The following PTK2 variants were observed in gnomAD, a reference collection of about 807,000 sequenced individuals.
PTK2 encodes the protein protein tyrosine kinase 2.
Under a neutral mutation model 150.1 loss-of-function variants are expected in PTK2, and 45 were observed. That is an observed-to-expected ratio of 0.30 (90% confidence interval 0.24 to 0.38). The LOEUF (loss-of-function observed/expected upper bound fraction) is 0.38. PTK2 is among the 10% of genes least tolerant of loss of function. PTK2 has a pLI of 1.00. For synonymous variants in PTK2, 432 were observed against 449.2 expected (o/e 0.96, Z 0.48); for missense variants, 919 against 1,307.3 (o/e 0.70, Z 4.58).
In PTK2 at chr8:140,746,888, CTTTCTTTTTTTTT is replaced by C. The variant is rs543594381; in HGVS notation, c.1418-41_1418-29del. On this transcript the variant is annotated intron_variant, in intron 17 of 31. Transcript: ENST00000522684. ...AGGAAAAAAGTTCTCCATAGTTATT[CTTTCTTTTTTTTT>C]TTTTTTTTTAGACGGAGTCTCATTC... is the stretch of plus-strand genomic sequence containing the variant. The C allele has an allele frequency of 4.9e-4, 552 of 1,135,804 alleles. 1 individual carries two copies. The highest frequency in any genetic ancestry group is 6.4e-4 in the Non-Finnish European group (514 of 806,770). 70.4% of individuals were successfully genotyped at this position (1,135,804 alleles called of 1,614,324 possible).
intron 26 of PTK2, among the ~76,000 whole-genome samples, chr8:140,698,762 G>A (rs1335853059): frequency 6.6e-6 from 1 of 152,108 alleles, no homozygotes. Context: ...TTACAGGCAT[G>A]CATCACCACA....
intron 3 of PTK2, among the ~76,000 whole-genome samples, chr8:140,880,414 T>C (rs13258028): frequency 3.3e-5 from 5 of 151,936 alleles, no homozygotes; most frequent in African/African-American, 1.2e-4. Context: ...ATGAGGGCCA[T>C]GAGAGAATAT....
At chr8:140,812,947 C>A (rs1042131844) in intron 10 of PTK2, among the ~76,000 whole-genome samples, 1 of 152,146 alleles carries the variant, frequency 6.6e-6, no homozygotes, top group Non-Finnish European at 1.5e-5. Context: ...GACTTTAACA[C>A]CCCACTGACA....
intron 23 of PTK2, among the ~76,000 whole-genome samples, chr8:140,708,043 G>T (rs1591467899): frequency 6.6e-6 from 1 of 152,254 alleles, no homozygotes; most frequent in Middle Eastern, 3.4e-3. Flanking sequence ...CATAGTGAAA[G>T]AACAATTTAG....
chr8:140,754,180 G>A (rs2100064350), intron 16 of PTK2, among the ~76,000 whole-genome samples: 2 of 152,210 alleles, frequency 1.3e-5, no homozygotes, highest in Non-Finnish European at 2.9e-5. Flanking sequence ...CCATGTGCCA[G>A]ATGCCTCAAG....
At chr8:140,899,357 A>G (rs1404664158) in intron 2 of PTK2, among the ~76,000 whole-genome samples, 2 of 152,242 alleles carry the variant, frequency 1.3e-5, no homozygotes, top group African/African-American at 4.8e-5. Context: ...CTACAGAAAT[A>G]CAAAGACTCT....
chr8:140,717,634 G>A (rs1360759825), exon 23 of PTK2: 2 of 1,613,930 alleles, frequency 1.2e-6, no homozygotes, highest in Admixed American at 3.3e-5. Flanking sequence ...CGGAGTCCCA[G>A]GACACTGTGG....
chr8:140,982,283 T>C (rs1308084960), intron 1 of PTK2, among the ~76,000 whole-genome samples: 1 of 152,202 alleles, frequency 6.6e-6, no homozygotes, highest in Admixed American at 6.5e-5. Context: ...ATCATTAAGA[T>C]AGATACACAC....
exon 32 of PTK2, chr8:140,658,890 G>A (rs1331804147): frequency 4.4e-6 from 1 of 226,924 alleles, no homozygotes; most frequent in Admixed American, 5.7e-5. Flanking sequence ...AAGACAAAAA[G>A]GGCTGTAGTT....
chr8:140,986,485 A>G (rs1318663517), intron 1 of PTK2, among the ~76,000 whole-genome samples: 2 of 152,234 alleles, frequency 1.3e-5, no homozygotes, highest in Non-Finnish European at 2.9e-5. Context: ...TGAAACCAGG[A>G]AGTCAAAGAG....
intron 14 of PTK2, among the ~76,000 whole-genome samples, chr8:140,767,593 C>T (rs1341794089): frequency 6.6e-6 from 1 of 152,084 alleles, no homozygotes; most frequent in East Asian, 1.9e-4. Context: ...TCAAGTGATC[C>T]TCCCAACTCA....
chr8:140,968,271 G>C (rs886452112), intron 1 of PTK2, among the ~76,000 whole-genome samples: 4 of 152,070 alleles, frequency 2.6e-5, no homozygotes, highest in African/African-American at 9.7e-5. Context: ...CTGTTTTCCA[G>C]TTTTTAGATC....
chr8:140,660,637 G>T (rs758498055), intron 31 of PTK2: 1 of 455,326 alleles, frequency 2.2e-6, no homozygotes, highest in South Asian at 1.6e-5. Flanking sequence ...GACGTGGGAG[G>T]ACGGCTTGAG....
intron 2 of PTK2, among the ~76,000 whole-genome samples, chr8:140,922,779 A>G (rs1317495480): frequency 1.3e-5 from 2 of 152,228 alleles, no homozygotes; most frequent in Admixed American, 6.5e-5. Context: ...AGACAGGGTC[A>G]TAGACTAGGA....
chr8:140,871,162 G>A (rs1417532847), intron 4 of PTK2, among the ~76,000 whole-genome samples: 1 of 152,048 alleles, frequency 6.6e-6, no homozygotes, highest in Non-Finnish European at 1.5e-5. Flanking sequence ...TTATAACTTT[G>A]TCACCAAAAA....
chr8:140,915,033 CA>C (rs10661609), intron 2 of PTK2, among the ~76,000 whole-genome samples: 210 of 53,066 alleles, frequency 4.0e-3, no homozygotes, highest in Middle Eastern at 0.014. Context: ...AACTCCAACT[CA>C]AAAAAAAAAA....
chr8:140,981,148 T>TG (rs992475174), intron 1 of PTK2, among the ~76,000 whole-genome samples: 4 of 148,666 alleles, frequency 2.7e-5, no homozygotes, highest in African/African-American at 9.9e-5. Flanking sequence ...TATCATTCAA[T>TG]GACCACTGTT....
rs1212172794 is a variant in PTK2, at chr8:140,761,260, T to C, written c.1237A>G (p.Arg413Gly). 7 of 1,606,540 alleles carry C rather than the reference T, an allele frequency of 4.4e-6. No homozygotes were observed. In the East Asian group the frequency reaches 1.6e-4, roughly 36 times the overall value. Residue 413 changes from arginine (R) to glycine (G), a missense_variant and splice_region_variant, in exon 16 of 32, where the codon AGG becomes GGG. Physicochemically the swap from Arg to Gly is moderately radical, Grantham distance 125. Transcript: ENST00000522684. ...CTTTCTCTTTGAATCTCATAATCCC[T>C]GGCTGTAAAACATAATTCACACATC...
At chr8:140,980,217 A>G (rs1016474760) in intron 1 of PTK2, among the ~76,000 whole-genome samples, 8 of 152,268 alleles carry the variant, frequency 5.3e-5, no homozygotes, top group Non-Finnish European at 1.2e-4. Context: ...CACAACAGTG[A>G]AAATGAATGA....
Sources: gnomAD v4.1 joint callset for allele counts (sites outside exome capture counted in the v4.1 genomes callset) on GRCh38, gnomAD v4.1.1 for gene constraint, MANE v1.5 for transcripts, NCBI Gene and HGNC (gene_info 2026-07-23, HGNC 2026-07-21) for gene names.